The following SCD5 variants were observed in gnomAD, a reference collection of about 807,000 sequenced individuals.
The protein encoded by SCD5 is acyl-CoA-desaturase 4.
In SCD5, 20 loss-of-function variants were observed where a neutral mutation model predicts 30.4. The observed-to-expected ratio is 0.66, with a 90% CI of 0.46 to 0.96. The LOEUF (loss-of-function observed/expected upper bound fraction) is 0.96, where lower values mean the gene tolerates loss of function less well. Among genes scored for constraint, SCD5 ranks in the 40% least tolerant of loss-of-function variants. SCD5 has a pLI of 0.00. For synonymous variants in SCD5, 173 were observed against 176.4 expected (o/e 0.98, Z 0.16); for missense variants, 381 against 443.3 (o/e 0.86, Z 1.26).
chr4:82,700,787 TAAAAAAAAAAAAAAAAAAAAAAAAAAAAA>T (rs70938305), intron 2 of SCD5, among the ~76,000 whole-genome samples: 2 of 63,774 alleles, frequency 3.1e-5, no homozygotes, highest in African/African-American at 9.8e-5. Flanking sequence ...ACCCTGTCTC[TAAAAAAAAAAAAAAAAAAAAAAAAAAAAA>T]AAAAAAAAAG....
chr4:82,786,777 A>G (rs1304957809), intron 1 of SCD5, among the ~76,000 whole-genome samples: 1 of 143,536 alleles, frequency 7.0e-6, no homozygotes, highest in Non-Finnish European at 1.5e-5. Flanking sequence ...GGGGGACAAG[A>G]GCGAGACTTT....
chr4:82,641,240 C>A (rs1578001397), intron 3 of SCD5, among the ~76,000 whole-genome samples: 1 of 53,480 alleles, frequency 1.9e-5, no homozygotes, highest in African/African-American at 7.3e-5. Context: ...GGCGAAGAAG[C>A]AAAACTCCAT....
intron 3 of SCD5, among the ~76,000 whole-genome samples, chr4:82,649,863 G>A (rs1727709706): frequency 6.6e-6 from 1 of 152,138 alleles, no homozygotes; most frequent in Non-Finnish European, 1.5e-5. Context: ...GGGTCACCGG[G>A]CCTTTGAAGG....
chr4:82,699,933 T>C (rs550363388), intron 2 of SCD5, among the ~76,000 whole-genome samples: 23 of 151,912 alleles, frequency 1.5e-4, no homozygotes, highest in Non-Finnish European at 3.4e-4. Flanking sequence ...GTGCTGGGAT[T>C]ATAGGCATGG....
chr4:82,727,836 T>G (rs1720540044), intron 1 of SCD5, among the ~76,000 whole-genome samples: 1 of 152,136 alleles, frequency 6.6e-6, no homozygotes, highest in East Asian at 1.9e-4. Context: ...GCCTACCGAG[T>G]AGCTGGGATT....
intron 1 of SCD5, among the ~76,000 whole-genome samples, chr4:82,738,351 G>C (rs1244540130): frequency 2.0e-5 from 3 of 152,194 alleles, no homozygotes; most frequent in Admixed American, 2.0e-4. Flanking sequence ...GAACCCAGGA[G>C]GCAGACGTTG....
chr4:82,640,755 C>T (rs183463945), intron 3 of SCD5, among the ~76,000 whole-genome samples: 1 of 152,260 alleles, frequency 6.6e-6, no homozygotes, highest in African/African-American at 2.4e-5. Flanking sequence ...CCCCAGCTTC[C>T]TCATCTAATA....
intron 1 of SCD5, among the ~76,000 whole-genome samples, chr4:82,716,134 C>T (rs72916888): frequency 0.014 from 2,163 of 151,900 alleles, 105 homozygotes; most frequent in African/African-American, 0.05. Context: ...TGGCTTCTTC[C>T]TCTCTTCTTC....
At chr4:82,631,612 G>C (rs1577996671) in intron 4 of SCD5, 95 bp from the exon 5 acceptor site, 2 of 1,301,046 alleles carry the variant, frequency 1.5e-6, no homozygotes, top group South Asian at 2.9e-5. Flanking sequence ...CCATGTGCAG[G>C]ACATGGTGTC....
At chr4:82,635,223 C>T (rs1013518401) in intron 4 of SCD5, among the ~76,000 whole-genome samples, 2 of 152,188 alleles carry the variant, frequency 1.3e-5, no homozygotes, top group African/African-American at 4.8e-5. Context: ...AGCCTGAGGC[C>T]TCTGAAGTAA....
At chr4:82,635,755 T>C (rs548048306) in intron 4 of SCD5, among the ~76,000 whole-genome samples, 68 of 151,736 alleles carry the variant, frequency 4.5e-4, no homozygotes, top group Non-Finnish European at 7.9e-4. Context: ...ACTTTACAGA[T>C]AGGGACACGA....
chr4:82,778,728 GT>G (rs879362173), intron 1 of SCD5, among the ~76,000 whole-genome samples: 3 of 152,214 alleles, frequency 2.0e-5, no homozygotes, highest in Non-Finnish European at 4.4e-5. Context: ...ATGCAGGTTA[GT>G]TTTCCTCAGT....
intron 3 of SCD5, among the ~76,000 whole-genome samples, chr4:82,649,101 A>G (rs1211503283): frequency 6.6e-6 from 1 of 151,662 alleles, no homozygotes; most frequent in Admixed American, 6.6e-5. Context: ...TCACTCCACT[A>G]TGTGTATTTG....
intron 1 of SCD5, among the ~76,000 whole-genome samples, chr4:82,733,655 A>C (rs1015311094): frequency 3.3e-5 from 5 of 152,158 alleles, no homozygotes; most frequent in Non-Finnish European, 7.3e-5. Flanking sequence ...GAGCCTGAGA[A>C]TTCCGTAACA....
chr4:82,713,604 T>C (rs1238110687), intron 1 of SCD5, among the ~76,000 whole-genome samples: 1 of 152,200 alleles, frequency 6.6e-6, no homozygotes, highest in African/African-American at 2.4e-5. Context: ...CTGCCCTTAC[T>C]GAAACATCAT....
In SCD5 at chr4:82,636,494, C is replaced by T. The variant is rs922586140; in HGVS notation, c.802+97G>A. On this transcript the variant is annotated intron_variant, in intron 4 of 4. Coordinates refer to ENST00000319540, the MANE Select transcript of SCD5 (RefSeq NM_001037582.3). ...CTCAAGTTCACTGAACTCCATTCCA[C>T]TCCACTGCTTCTCTTTACTGATTCC... 3.6e-5 allele frequency: 32 copies of T among 885,844 alleles called. No homozygotes were observed. The African/African-American group carries it at 4.2e-4, about 12-fold the overall frequency. 54.9% of individuals were successfully genotyped at this position (885,844 alleles called of 1,614,324 possible). A position where few individuals can be genotyped will look rare whatever the true frequency, so the allele number is the denominator to read the frequency against.
At chr4:82,748,541 T>C (rs905659917) in intron 1 of SCD5, among the ~76,000 whole-genome samples, 1 of 152,128 alleles carries the variant, frequency 6.6e-6, no homozygotes, top group African/African-American at 2.4e-5. Flanking sequence ...ACTTAACACA[T>C]CTGCTGCAAT....
intron 1 of SCD5, among the ~76,000 whole-genome samples, chr4:82,789,597 G>C (rs373996650): frequency 2.6e-5 from 4 of 152,364 alleles, no homozygotes; most frequent in African/African-American, 9.6e-5. Context: ...CTGTAAGACT[G>C]TCTGCATGTT....
At position 82,798,613 on chromosome 4, in the gene SCD5, C is replaced by T; in HGVS notation, c.-76G>A. On this transcript the variant is annotated 5_prime_UTR_variant, in exon 1 of 5. Transcript: ENST00000319540. ...CCCGAGCGGAGCTCGAGGGTGGGGG[C>T]GGGGGCTTCTGCCTTTTAGGGGGGA... 1 of 1,326,002 alleles carries T rather than the reference C, an allele frequency of 7.5e-7. No homozygotes were observed. Among genetic ancestry groups the T allele is most frequent in the East Asian group, 2.5e-5 (1 of 39,400 alleles). 82.1% of individuals were successfully genotyped at this position (1,326,002 alleles called of 1,614,324 possible). A position where few individuals can be genotyped will look rare whatever the true frequency, so the allele number is the denominator to read the frequency against.
Sources: allele counts gnomAD v4.1 joint callset (sites outside exome capture counted in the v4.1 genomes callset), GRCh38; gene constraint gnomAD v4.1.1; transcripts MANE v1.5; gene names NCBI Gene and HGNC (gene_info 2026-07-23, HGNC 2026-07-21).